The following PRSS12 variants were observed in gnomAD, a reference collection of about 807,000 sequenced individuals.
The protein encoded by PRSS12 is serine protease 12, also known as neurotrypsin.
PRSS12 carries 85 observed loss-of-function variants against 104.4 expected under a neutral mutation model. The observed-to-expected ratio is 0.81, with a 90% CI of 0.68 to 0.98. The LOEUF (loss-of-function observed/expected upper bound fraction) is 0.98, where lower values mean the gene tolerates loss of function less well. PRSS12 is among the 50% of genes least tolerant of loss of function. PRSS12 has a pLI of 0.00. For missense variants in PRSS12, 1,141 were observed against 1,139.2 expected (o/e 1.00, Z -0.02); for synonymous variants, 454 against 425.2 (o/e 1.07, Z -0.83).
chr4:118,332,239 AAT>A (rs1199185781), intron 3 of PRSS12, among the ~76,000 whole-genome samples: 2 of 152,342 alleles, frequency 1.3e-5, no homozygotes, highest in African/African-American at 2.4e-5. Context: ...GAGCATTACC[AAT>A]ATGTCATTAT....
intron 11 of PRSS12, among the ~76,000 whole-genome samples, chr4:118,289,091 C>A (rs1408985463): frequency 6.6e-6 from 1 of 152,116 alleles, no homozygotes; most frequent in Non-Finnish European, 1.5e-5. Context: ...AGGCTAGCGG[C>A]ATTATGGCAT....
chr4:118,287,428 G>C (rs1743039049), intron 11 of PRSS12, among the ~76,000 whole-genome samples: 2 of 152,294 alleles, frequency 1.3e-5, no homozygotes, highest in South Asian at 4.1e-4. Context: ...GAGATTATAG[G>C]TACTGCACCC....
chr4:118,337,019 T>C (rs570863880), intron 2 of PRSS12, among the ~76,000 whole-genome samples: 4 of 152,318 alleles, frequency 2.6e-5, no homozygotes, highest in Admixed American at 1.3e-4. Flanking sequence ...CTCATCAAAA[T>C]AATTAATTTT....
intron 1 of PRSS12, 70 bp from the exon 2 acceptor site, chr4:118,338,384 G>T: frequency 6.3e-7 from 1 of 1,580,652 alleles, no homozygotes; most frequent in South Asian, 1.1e-5. Flanking sequence ...GCCAGTCCTG[G>T]GTTAACATGA....
chr4:118,336,499 C>T (rs974170220), intron 2 of PRSS12, among the ~76,000 whole-genome samples: 5 of 152,168 alleles, frequency 3.3e-5, no homozygotes, highest in Non-Finnish European at 7.3e-5. Context: ...TGGGGTATAT[C>T]TAAAATGTAA....
At chr4:118,350,156 T>C (rs1455063660) in intron 1 of PRSS12, among the ~76,000 whole-genome samples, 1 of 152,142 alleles carries the variant, frequency 6.6e-6, no homozygotes, top group Non-Finnish European at 1.5e-5. Flanking sequence ...GCTGCAAAGG[T>C]CTTTTAAATT....
intron 3 of PRSS12, among the ~76,000 whole-genome samples, chr4:118,333,464 T>C (rs1339012753): frequency 6.6e-6 from 1 of 152,218 alleles, no homozygotes; most frequent in East Asian, 1.9e-4. Context: ...ACTATCTGCA[T>C]ATACTGTTTA....
At chr4:118,336,969 G>A (rs1202518797) in intron 2 of PRSS12, among the ~76,000 whole-genome samples, 1 of 152,100 alleles carries the variant, frequency 6.6e-6, no homozygotes, top group Non-Finnish European at 1.5e-5. Flanking sequence ...CACTTTATAG[G>A]CTCTGGCCTT....
Position 118,316,178 on chromosome 4 carries a change from T to G in PRSS12, c.1292+4A>C. 2 of 1,614,022 alleles carry G rather than the reference T, an allele frequency of 1.2e-6. No homozygotes were observed. Among genetic ancestry groups the G allele is most frequent in the Non-Finnish European group, 1.7e-6 (2 of 1,179,972 alleles). ...TAACTGCCTTTATAATTAATGAACC[T>G]TACTTAAATCCCAATTGTCGACAAA... On this transcript the variant is annotated splice_donor_region_variant and intron_variant, in intron 6 of 12. Coordinates refer to ENST00000296498, the MANE Select transcript of PRSS12 (RefSeq NM_003619.4).
chr4:118,319,712 C>G (rs1431277988), intron 4 of PRSS12, among the ~76,000 whole-genome samples: 1 of 152,080 alleles, frequency 6.6e-6, no homozygotes, highest in Non-Finnish European at 1.5e-5. Flanking sequence ...GGGTCTCACT[C>G]TGTTGCCCAG....
intron 4 of PRSS12, among the ~76,000 whole-genome samples, chr4:118,319,607 C>T (rs527508720): frequency 9.9e-5 from 15 of 152,274 alleles, no homozygotes; most frequent in South Asian, 2.1e-4. Flanking sequence ...AAAATACACT[C>T]GACTCTAAAC....
Position 118,331,769 on chromosome 4 carries a change from A to G in PRSS12, c.918T>C (p.Asp306=). ...YHAGQWGTVC[D]DQWDDADAEV... is the part of the protein sequence containing the mutation. ...CTGCATCGGCATCATCCCATTGGTC[A>G]TCACAAACGGTTCCCCACTGGCCAG... Residue 306 remains aspartate, a synonymous_variant, in exon 4 of 13, where the codon GAT becomes GAC. Transcript: ENST00000296498. 1 of 1,614,220 alleles carries G rather than the reference A, an allele frequency of 6.2e-7. No individual in the cohort carries two copies. Among genetic ancestry groups the G allele is most frequent in the Non-Finnish European group, 8.5e-7 (1 of 1,180,036 alleles).
At chr4:118,292,573 T>C (rs1406949194) in intron 11 of PRSS12, among the ~76,000 whole-genome samples, 1 of 152,136 alleles carries the variant, frequency 6.6e-6, no homozygotes, top group Non-Finnish European at 1.5e-5. Flanking sequence ...CTCCACTATA[T>C]CTCTAGTACA....
chr4:118,337,773 T>G (rs1219860312), intron 2 of PRSS12, among the ~76,000 whole-genome samples: 1 of 151,946 alleles, frequency 6.6e-6, no homozygotes, highest in Admixed American at 6.6e-5. Flanking sequence ...TGCTAATTAA[T>G]TAATTATAAT....
intron 8 of PRSS12, chr4:118,303,422 C>G (rs1214478838): frequency 6.6e-6 from 1 of 152,020 alleles, no homozygotes; most frequent in African/African-American, 2.4e-5. Context: ...TTAGATATAT[C>G]AATAAGTAGA....
At chr4:118,339,791 A>G (rs1560785885) in intron 1 of PRSS12, among the ~76,000 whole-genome samples, 1 of 152,228 alleles carries the variant, frequency 6.6e-6, no homozygotes, top group African/African-American at 2.4e-5. Flanking sequence ...GATTTTTTAT[A>G]TCACAAAATC....
intron 1 of PRSS12, among the ~76,000 whole-genome samples, chr4:118,343,913 CT>C (rs1225798559): frequency 6.6e-6 from 1 of 152,070 alleles, no homozygotes; most frequent in Non-Finnish European, 1.5e-5. Flanking sequence ...TTTTTAAAAT[CT>C]TTTTTTAAAA....
intron 9 of PRSS12, among the ~76,000 whole-genome samples, chr4:118,296,991 T>G (rs912886101): frequency 6.6e-6 from 1 of 152,206 alleles, no homozygotes. Flanking sequence ...GTTTACATCA[T>G]TCTGGGGCAA....
At chr4:118,310,657 T>C (rs1743686766) in intron 7 of PRSS12, among the ~76,000 whole-genome samples, 1 of 152,186 alleles carries the variant, frequency 6.6e-6, no homozygotes, top group African/African-American at 2.4e-5. Context: ...CTTTCAGTAG[T>C]TTTCTTTGAT....
Sources: allele counts gnomAD v4.1 joint callset (sites outside exome capture counted in the v4.1 genomes callset), GRCh38; gene constraint gnomAD v4.1.1; transcripts MANE v1.5; gene names NCBI Gene and HGNC (gene_info 2026-07-23, HGNC 2026-07-21).